The following OSBPL9 variants were observed in gnomAD, a reference collection of about 807,000 sequenced individuals.
OSBPL9 encodes the protein oxysterol-binding protein-related protein 9.
A neutral mutation model predicts 106.6 loss-of-function variants in OSBPL9; 40 were observed. That is an observed-to-expected ratio of 0.38 (90% CI 0.29 to 0.49). OSBPL9 has a LOEUF of 0.49. OSBPL9 is among the 20% of genes least tolerant of loss of function. OSBPL9 has a pLI of 0.97. For synonymous variants in OSBPL9, 269 were observed against 295.4 expected, an observed-to-expected ratio of 0.91 and a Z score of 0.92; for missense variants, 609 against 887.2, an observed-to-expected ratio of 0.69 and a Z score of 3.98.
At chr1:51,679,712 T>TA (rs1652086687) in intron 3 of OSBPL9, among the ~76,000 whole-genome samples, 1 of 152,258 alleles carries the variant, frequency 6.6e-6, no homozygotes, top group Non-Finnish European at 1.5e-5. Context: ...ATTAGTCACT[T>TA]ACTAAGTAGG....
chr1:51,602,018 C>CTTTTTTTTTTTTTTTTTTTTT (rs758760414), intron 2 of OSBPL9, among the ~76,000 whole-genome samples: 4 of 76,404 alleles, frequency 5.2e-5, no homozygotes, highest in East Asian at 4.4e-4. Context: ...TCTTGGGGTT[C>CTTTTTTTTTTTTTTTTTTTTT]TTTTTTTTTT....
intron 9 of OSBPL9, chr1:51,756,613 G>T: frequency 4.7e-6 from 2 of 423,462 alleles, no homozygotes; most frequent in Non-Finnish European, 4.3e-6. Context: ...GGTTAATCAT[G>T]GTATGAATAC....
chr1:51,623,267 CATGGAATGTGGA>C (rs1414990013), intron 1 of OSBPL9, among the ~76,000 whole-genome samples: 1 of 151,984 alleles, frequency 6.6e-6, no homozygotes, highest in East Asian at 1.9e-4. Flanking sequence ...GCAAAGAGGA[CATGGAATGTGGA>C]ATGGAGGGGA....
intron 1 of OSBPL9, among the ~76,000 whole-genome samples, chr1:51,644,066 T>G (rs1570745903): frequency 9.2e-6 from 1 of 108,862 alleles, no homozygotes. Flanking sequence ...GGCAACAGAG[T>G]GAGACCTTGT....
At chr1:51,558,324 C>T in the OSBPL9 span, among the ~76,000 whole-genome samples, 2 of 151,856 alleles carry the variant, frequency 1.3e-5, no homozygotes, top group Non-Finnish European at 2.9e-5. Context: ...CCAAAACAAA[C>T]CCCCTCCTTC....
intron 3 of OSBPL9, among the ~76,000 whole-genome samples, chr1:51,684,584 G>T (rs1018220611): frequency 1.3e-5 from 2 of 152,168 alleles, no homozygotes; most frequent in African/African-American, 4.8e-5. Context: ...AGGCTGGAGT[G>T]CAGTGGCATG....
intron 1 of OSBPL9, among the ~76,000 whole-genome samples, chr1:51,596,258 C>CAAA (rs35791042): frequency 1.2e-4 from 6 of 48,330 alleles, no homozygotes; most frequent in African/African-American, 1.8e-4. Flanking sequence ...GACGCTGTCT[C>CAAA]AAAAAAAAAA....
At chr1:51,772,780 G>A (rs879070755) in intron 14 of OSBPL9, 57 bp downstream of exon 14, 37 of 1,120,316 alleles carry the variant, frequency 3.3e-5, no homozygotes, top group South Asian at 2.7e-4. Context: ...CAGTGATTGC[G>A]TGGTGAGTGT....
the OSBPL9 span, among the ~76,000 whole-genome samples, chr1:51,536,731 CCT>C: frequency 3.9e-5 from 6 of 152,200 alleles, no homozygotes; most frequent in East Asian, 3.9e-4. Context: ...AGTGTCTCCC[CCT>C]GTTTGGCTTT....
chr1:51,636,319 C>A (rs1645446827), intron 1 of OSBPL9, among the ~76,000 whole-genome samples: 1 of 151,542 alleles, frequency 6.6e-6, no homozygotes, highest in Non-Finnish European at 1.5e-5. Context: ...TGCCACCTCT[C>A]CTGGATGCCA....
At chr1:51,778,759 A>G (rs1169083245) in intron 15 of OSBPL9, among the ~76,000 whole-genome samples, 3 of 152,076 alleles carry the variant, frequency 2.0e-5, no homozygotes, top group Non-Finnish European at 2.9e-5. Context: ...AAGGCTATAG[A>G]AGATTTAAAC....
intron 21 of OSBPL9, 192 bp from the exon 22 acceptor site, chr1:51,786,334 A>G (rs856614): frequency 0.71 from 361,734 of 512,274 alleles, 130,584 homozygotes; most frequent in East Asian, 0.98. Flanking sequence ...TTTCCTTCAA[A>G]GAACTTGCAC....
At chr1:51,703,867 G>A (rs1041586856) in intron 3 of OSBPL9, among the ~76,000 whole-genome samples, 2 of 152,160 alleles carry the variant, frequency 1.3e-5, no homozygotes, top group Non-Finnish European at 2.9e-5. Context: ...TTTTGTCAAA[G>A]GCCTTTTCTG....
chr1:51,595,100 A>G (rs1340735968), intron 1 of OSBPL9, among the ~76,000 whole-genome samples: 1 of 152,098 alleles, frequency 6.6e-6, no homozygotes, highest in East Asian at 1.9e-4. Context: ...GCTGCCCTCC[A>G]TTCGAGGCCT....
intron 9 of OSBPL9, among the ~76,000 whole-genome samples, chr1:51,758,443 G>A (rs1459116281): frequency 6.6e-6 from 1 of 150,740 alleles, no homozygotes; most frequent in African/African-American, 2.4e-5. Flanking sequence ...AAAAAAACCT[G>A]GTCTATTTTG....
chr1:51,564,052 C>CAAAAA, the OSBPL9 span, among the ~76,000 whole-genome samples: 619 of 27,360 alleles, frequency 0.023, 61 homozygotes, highest in African/African-American at 0.072. Flanking sequence ...GAGATCATCT[C>CAAAAA]AAAAAAAAAA....
chr1:51,532,114 G>A, the OSBPL9 span, among the ~76,000 whole-genome samples: 1 of 152,156 alleles, frequency 6.6e-6, no homozygotes. Context: ...TCAGGGGAAG[G>A]TGAAAGAAAA....
At chr1:51,573,212 CA>C (rs5774102), upstream of OSBPL9, among the ~76,000 whole-genome samples, 21,975 of 118,364 alleles carry the variant, frequency 0.19, 3,078 homozygotes, top group African/African-American at 0.43. Context: ...ACTCCATCTC[CA>C]AAAAAAAAAA....
chr1:51,553,033 G>A, the OSBPL9 span, among the ~76,000 whole-genome samples: 1 of 151,524 alleles, frequency 6.6e-6, no homozygotes, highest in African/African-American at 2.4e-5. Flanking sequence ...AGCTTAATCT[G>A]CCTATTGGGT....
Sources: allele counts gnomAD v4.1 joint callset (sites outside exome capture counted in the v4.1 genomes callset), GRCh38; gene constraint gnomAD v4.1.1; transcripts MANE v1.5; gene names NCBI Gene and HGNC (gene_info 2026-07-23, HGNC 2026-07-21).